The following FNIP1 variants were observed in gnomAD, a reference collection of about 807,000 sequenced individuals.
The protein encoded by FNIP1 is folliculin-interacting protein 1.
Under a neutral mutation model 124.5 loss-of-function variants are expected in FNIP1, and 40 were observed. That is an observed-to-expected ratio of 0.32 (90% CI 0.25 to 0.42). The LOEUF (loss-of-function observed/expected upper bound fraction) is 0.42. Among genes scored for constraint, FNIP1 ranks in the 10% least tolerant of loss-of-function variants. FNIP1 has a pLI of 1.00. For missense variants in FNIP1, 1,176 were observed against 1,403.7 expected, an observed-to-expected ratio of 0.84 and a Z score of 2.59; for synonymous variants, 472 against 470.6, an observed-to-expected ratio of 1.00 and a Z score of -0.04.
chr5:131,774,827 T>C (rs569788367), intron 1 of FNIP1, among the ~76,000 whole-genome samples: 3 of 152,304 alleles, frequency 2.0e-5, no homozygotes, highest in African/African-American at 4.8e-5. Context: ...CAACAGAAGC[T>C]CTTTTCTTGA....
intron 1 of FNIP1, among the ~76,000 whole-genome samples, chr5:131,774,095 T>C (rs988543243): frequency 9.2e-5 from 14 of 152,218 alleles, no homozygotes; most frequent in Admixed American, 5.2e-4. Context: ...GACGTGATCA[T>C]AGCTCACAGC....
At chr5:131,735,965 T>C (rs2149554274) in intron 2 of FNIP1, among the ~76,000 whole-genome samples, 1 of 152,236 alleles carries the variant, frequency 6.6e-6, no homozygotes, top group African/African-American at 2.4e-5. Flanking sequence ...TGAGGTCTCA[T>C]TATGTTGCCT....
chr5:131,703,885 A>G (rs915004721), intron 10 of FNIP1, among the ~76,000 whole-genome samples, 180 bp downstream of exon 10: 9 of 152,178 alleles, frequency 5.9e-5, no homozygotes, highest in Non-Finnish European at 8.8e-5. Context: ...GAATGATCTT[A>G]TATCTTTTAC....
chr5:131,659,358 G>C (rs977791634), intron 15 of FNIP1, among the ~76,000 whole-genome samples: 2 of 152,200 alleles, frequency 1.3e-5, no homozygotes, highest in Non-Finnish European at 2.9e-5. Flanking sequence ...CAGCAGGATA[G>C]CTCATTGCCA....
At chr5:131,651,597 C>T (rs1767041874) in intron 16 of FNIP1, among the ~76,000 whole-genome samples, 1 of 152,138 alleles carries the variant, frequency 6.6e-6, no homozygotes, top group South Asian at 2.1e-4. Context: ...CATCAGAGCA[C>T]CCCACCCTCA....
intron 11 of FNIP1, among the ~76,000 whole-genome samples, chr5:131,690,549 C>T (rs1023083442): frequency 2.6e-5 from 4 of 152,152 alleles, no homozygotes; most frequent in African/African-American, 9.7e-5. Flanking sequence ...CTTCCTGCTG[C>T]CTTGTGAAGA....
chr5:131,790,939 G>A (rs933887823), intron 1 of FNIP1, among the ~76,000 whole-genome samples: 6 of 151,720 alleles, frequency 4.0e-5, no homozygotes, highest in African/African-American at 1.2e-4. Flanking sequence ...CCAGAAGAAA[G>A]CAAGAAGTTA....
chr5:131,740,954 G>T (rs1183635026), intron 2 of FNIP1, among the ~76,000 whole-genome samples: 1 of 152,122 alleles, frequency 6.6e-6, no homozygotes, highest in African/African-American at 2.4e-5. Context: ...AATGCCACTG[G>T]CAACATCAGT....
At chr5:131,764,693 G>A (rs1771359958) in intron 1 of FNIP1, among the ~76,000 whole-genome samples, 1 of 152,098 alleles carries the variant, frequency 6.6e-6, no homozygotes, top group Non-Finnish European at 1.5e-5. Flanking sequence ...TAGCACTACT[G>A]AAAAGAACAT....
chr5:131,669,945 C>T (rs31591), intron 15 of FNIP1, among the ~76,000 whole-genome samples: 95,403 of 149,784 alleles, frequency 0.64, 32,371 homozygotes, highest in Non-Finnish European at 0.77. Flanking sequence ...TTGGGGGCAG[C>T]GGGGACAAAA....
intron 11 of FNIP1, among the ~76,000 whole-genome samples, chr5:131,694,509 T>C (rs1413130120): frequency 3.3e-5 from 5 of 152,196 alleles, no homozygotes; most frequent in African/African-American, 1.2e-4. Context: ...ACATAGCATA[T>C]GATTTCAAGC....
At chr5:131,721,754 C>G (rs986375602) in intron 3 of FNIP1, among the ~76,000 whole-genome samples, 1 of 152,160 alleles carries the variant, frequency 6.6e-6, no homozygotes, top group Non-Finnish European at 1.5e-5. Flanking sequence ...GTGGAGATCA[C>G]GCCATTGCAC....
intron 1 of FNIP1, among the ~76,000 whole-genome samples, chr5:131,779,976 G>A (rs759794479): frequency 6.6e-5 from 10 of 151,338 alleles, no homozygotes; most frequent in Non-Finnish European, 1.3e-4. Context: ...AAGGTGAGTG[G>A]ATCCCTTGAG....
At chr5:131,669,182 T>C (rs1433870160) in intron 15 of FNIP1, among the ~76,000 whole-genome samples, 1 of 152,132 alleles carries the variant, frequency 6.6e-6, no homozygotes, top group African/African-American at 2.4e-5. Flanking sequence ...TCTAAATGTA[T>C]AAAAGGTGAA....
intron 1 of FNIP1, among the ~76,000 whole-genome samples, chr5:131,758,748 A>C (rs1309248096): frequency 6.6e-6 from 1 of 152,152 alleles, no homozygotes; most frequent in Non-Finnish European, 1.5e-5. Context: ...TTTCCTTTAC[A>C]CACTGACGCT....
At chr5:131,745,613 A>G (rs981938921) in intron 1 of FNIP1, among the ~76,000 whole-genome samples, 1 of 152,134 alleles carries the variant, frequency 6.6e-6, no homozygotes, top group Non-Finnish European at 1.5e-5. Context: ...GTGTATATAT[A>G]TGTGTGTGTA....
chr5:131,751,733 G>A (rs1770878712), intron 1 of FNIP1, among the ~76,000 whole-genome samples: 1 of 152,112 alleles, frequency 6.6e-6, no homozygotes, highest in African/African-American at 2.4e-5. Context: ...AAAACATTAG[G>A]TTAAGGAAAA....
chr5:131,693,654 A>T (rs78974861), intron 11 of FNIP1, among the ~76,000 whole-genome samples: 2 of 152,096 alleles, frequency 1.3e-5, no homozygotes, highest in African/African-American at 4.8e-5. Flanking sequence ...AGATAATCTA[A>T]ATGACCTTTG....
intron 15 of FNIP1, among the ~76,000 whole-genome samples, chr5:131,654,178 G>A (rs1356796543): frequency 2.0e-5 from 3 of 152,112 alleles, no homozygotes; most frequent in Non-Finnish European, 2.9e-5. Context: ...ACCTTCCCCC[G>A]GTTTACAAAC....
Sources: allele counts gnomAD v4.1 joint callset (sites outside exome capture counted in the v4.1 genomes callset), GRCh38; gene constraint gnomAD v4.1.1; transcripts MANE v1.5; gene names NCBI Gene and HGNC (gene_info 2026-07-23, HGNC 2026-07-21).